Variants in NAV3 observed in about 807,000 individuals in gnomAD.
NAV3 encodes neuron navigator 3.
A neutral mutation model predicts 244.7 loss-of-function variants in NAV3; 87 were observed. The ratio of observed to expected loss-of-function variants is 0.36; its 90% CI spans 0.30 to 0.42. NAV3 has a LOEUF of 0.42. NAV3 is among the 20% of genes least tolerant of loss of function. The pLI is 1.00. For missense variants in NAV3, 2,663 were observed against 2,893.3 expected, an observed-to-expected ratio of 0.92 and a Z score of 1.83; for synonymous variants, 1,126 against 1,042.2, an observed-to-expected ratio of 1.08 and a Z score of -1.55.
chr12:78,085,030 G>C (rs545335498), intron 12 of NAV3, among the ~76,000 whole-genome samples: 1 of 151,966 alleles, frequency 6.6e-6, no homozygotes, highest in Admixed American at 6.6e-5. Flanking sequence ...ATCATCAAAG[G>C]GATGGGTAAT....
intron 14 of NAV3, among the ~76,000 whole-genome samples, 169 bp downstream of exon 14, chr12:78,118,466 C>A (rs1233778812): frequency 6.6e-6 from 1 of 152,206 alleles, no homozygotes; most frequent in Non-Finnish European, 1.5e-5. Context: ...ACAAACTCGT[C>A]ATAGAAGCCC....
intron 12 of NAV3, among the ~76,000 whole-genome samples, chr12:78,089,426 C>T (rs752318981): frequency 1.3e-5 from 2 of 152,104 alleles, no homozygotes; most frequent in African/African-American, 4.8e-5. Context: ...AACAGGCATA[C>T]TGGTATTTCT....
intron 12 of NAV3, among the ~76,000 whole-genome samples, chr12:78,088,338 A>G (rs111860873): frequency 1.3e-5 from 2 of 152,198 alleles, no homozygotes; most frequent in African/African-American, 4.8e-5. Context: ...CCTTCCAAAT[A>G]TGTTTCCAAC....
chr12:77,619,256 C>T lies in NAV3; in HGVS notation c.72+46990C>T, dbSNP rs771373384. On this transcript the variant is annotated intron_variant, in intron 2 of 8. Coordinates refer to the NAV3 transcript ENST00000550042. ...CCCCCCTTAGGTTTATTAATGCTAT[C>T]GGAAGCCATGAAGCTTCCTGAAATA... Among the ~76,000 whole-genome samples the T allele has an allele frequency of 1.1e-4, 16 of 152,136 alleles. 1 individual carries two copies. The highest frequency in any genetic ancestry group is 5.9e-5 in the Non-Finnish European group (4 of 68,022).
intron 24 of NAV3, 77 bp from the exon 25 acceptor site, chr12:78,175,229 T>A: frequency 6.6e-7 from 1 of 1,525,854 alleles, no homozygotes; most frequent in South Asian, 1.2e-5. Flanking sequence ...GAACTGCCTC[T>A]CAAAAGACCT....
At position 78,212,606 on chromosome 12, in the gene NAV3, C is replaced by G. The variant is rs1289007693; in HGVS notation, c.*2089C>G. ...TAGTTTCCCTTGTATAATATGTGAT[C>G]TAAGAAAATTGCTAATCTTTCCCTG... On this transcript the variant is annotated 3_prime_UTR_variant, in exon 40 of 40. Coordinates refer to ENST00000397909, the MANE Select transcript of NAV3 (RefSeq NM_001024383.2). 1 of 152,556 alleles carries G rather than the reference C, an allele frequency of 6.6e-6. No individual in the cohort carries two copies. Among genetic ancestry groups the G allele is most frequent in the Admixed American group, 6.6e-5 (1 of 15,258 alleles). The allele number at this position is 152,556 out of a possible 1,614,324, so 9.5% of individuals were successfully genotyped here.
intron 2 of NAV3, among the ~76,000 whole-genome samples, chr12:77,703,678 T>C (rs996483241): frequency 1.3e-5 from 2 of 152,122 alleles, no homozygotes; most frequent in African/African-American, 4.8e-5. Context: ...AGGGAACCAG[T>C]CCAATTGGCC....
chr12:78,163,915 T>G lies in NAV3; in HGVS notation c.4869+4629T>G, dbSNP rs917592240. Among the ~76,000 whole-genome samples, 3 of 152,094 alleles carry G rather than the reference T, an allele frequency of 2.0e-5. No homozygotes were observed. The East Asian group carries it at 5.8e-4, about 29-fold the overall frequency. Reference sequence around the variant, plus strand: ...GATGCCCTGAGGCATCCATTATATGTGCTGAAATAACTTCTTTTCTCACCA... The same window carrying G: ...GATGCCCTGAGGCATCCATTATATGGGCTGAAATAACTTCTTTTCTCACCA... On this transcript the variant is annotated intron_variant, in intron 23 of 39. Transcript: ENST00000397909.
intron 19 of NAV3, among the ~76,000 whole-genome samples, 183 bp downstream of exon 19, chr12:78,137,548 G>T (rs539297489): frequency 6.6e-6 from 1 of 151,904 alleles, no homozygotes; most frequent in Non-Finnish European, 1.5e-5. Context: ...TATGTATTTG[G>T]AAATATGCCA....
At chr12:78,114,016 C>G (rs760271505) in intron 12 of NAV3, among the ~76,000 whole-genome samples, 1 of 152,190 alleles carries the variant, frequency 6.6e-6, no homozygotes, top group Non-Finnish European at 1.5e-5. Context: ...TTATCGCTCT[C>G]AAGTTCAAAG....
intron 1 of NAV3, among the ~76,000 whole-genome samples, chr12:77,901,187 A>G (rs1486567824): frequency 6.6e-6 from 1 of 152,086 alleles, no homozygotes; most frequent in African/African-American, 2.4e-5. Context: ...TATTTACTCT[A>G]TTGATAGTTT....
At chr12:77,775,706 C>T (rs1870320143) in intron 2 of NAV3, 1 of 152,174 alleles carries the variant, frequency 6.6e-6, no homozygotes, top group Admixed American at 6.5e-5. Context: ...AATTGTTCTT[C>T]TCACAATGAC....
intron 12 of NAV3, among the ~76,000 whole-genome samples, chr12:78,077,370 G>C (rs117708735): frequency 6.6e-6 from 1 of 152,064 alleles, no homozygotes; most frequent in Non-Finnish European, 1.5e-5. Context: ...TAGGCTTTAC[G>C]GGCCAAGAGG....
chr12:77,745,881 G>A (rs1468817338), intron 2 of NAV3, among the ~76,000 whole-genome samples: 2 of 151,392 alleles, frequency 1.3e-5, no homozygotes, highest in Non-Finnish European at 2.9e-5. Context: ...AAGTGCATAG[G>A]AGACCAGGGA....
At chr12:78,023,092 T>C (rs1219342234) in intron 9 of NAV3, among the ~76,000 whole-genome samples, 4 of 152,188 alleles carry the variant, frequency 2.6e-5, no homozygotes, top group Admixed American at 2.6e-4. Flanking sequence ...TTTATAAAAT[T>C]AGCATGGCAT....
rs1219974175 is a variant in NAV3, at chr12:77,645,534, TCTAA to T, written c.72+73269_72+73272del. ...GGGAATTCATGGAGAGCTCTCTCTC[TCTAA>T]AAAAAAAAAAAAAAAAAAAAAACTT... On this transcript the variant is annotated intron_variant, in intron 2 of 8. Coordinates refer to the NAV3 transcript ENST00000550042. 1.2e-3 allele frequency among the ~76,000 whole-genome samples: 103 copies of T among 89,304 alleles called. 1 individual carries two copies. The highest frequency in any genetic ancestry group is 6.0e-3 in the African/African-American group (94 of 15,656). 58.6% of individuals were successfully genotyped at this position (89,304 alleles called of 152,430 possible). A position where few individuals can be genotyped will look rare whatever the true frequency, so the allele number is the denominator to read the frequency against.
intron 11 of NAV3, among the ~76,000 whole-genome samples, chr12:78,054,070 T>C (rs910973512): frequency 2.0e-5 from 3 of 152,064 alleles, no homozygotes; most frequent in Non-Finnish European, 4.4e-5. Flanking sequence ...GGGATAAAAA[T>C]TGAGCTAAGA....
chr12:77,895,032 A>G (rs537450316), intron 1 of NAV3, among the ~76,000 whole-genome samples: 13 of 152,286 alleles, frequency 8.5e-5, no homozygotes, highest in Admixed American at 6.5e-4. Flanking sequence ...GGAGTAACTT[A>G]TTAAAATATT....
chr12:77,602,387 A>G (rs1236023950), intron 2 of NAV3, among the ~76,000 whole-genome samples: 1 of 152,066 alleles, frequency 6.6e-6, no homozygotes, highest in African/African-American at 2.4e-5. Context: ...AATGAGTTCC[A>G]TTTTAGATAT....
Sources: allele counts gnomAD v4.1 joint callset (sites outside exome capture counted in the v4.1 genomes callset), GRCh38; gene constraint gnomAD v4.1.1; transcripts MANE v1.5; gene names NCBI Gene and HGNC (gene_info 2026-07-23, HGNC 2026-07-21).